PVR: variants seen among roughly 807,000 people sequenced by gnomAD.
PVR encodes the protein poliovirus receptor.
A neutral mutation model predicts 43.3 loss-of-function variants in PVR; 39 were observed. The ratio of observed to expected loss-of-function variants is 0.90; its 90% CI spans 0.70 to 1.18. PVR has a LOEUF of 1.18. Among genes scored for constraint, PVR ranks in the 50% most tolerant of loss-of-function variants. The pLI is 0.00. For missense variants in PVR, 480 were observed against 549.7 expected, an observed-to-expected ratio of 0.87 and a Z score of 1.27; for synonymous variants, 224 against 233.2, an observed-to-expected ratio of 0.96 and a Z score of 0.36.
At chr19:44,660,170 G>A (rs747093) in intron 6 of PVR, among the ~76,000 whole-genome samples, 4,243 of 152,278 alleles carry the variant, frequency 0.028, 201 homozygotes, top group African/African-American at 0.096. Context: ...TGTCATGACT[G>A]TGTCCCCAGG....
In PVR at chr19:44,649,977, C is replaced by T. The variant is rs749329099; in HGVS notation, c.596C>T (p.Thr199Ile). The T allele has an allele frequency of 1.2e-6, 2 of 1,607,646 alleles. No individual in the cohort carries two copies. The highest frequency in any genetic ancestry group is 1.7e-6 in the Non-Finnish European group (2 of 1,175,906). The stretch of plus-strand genomic sequence containing the variant: ...CAGGTGCCAGGGTTCCTGTCTGGCA[C>T]AGTCACTGTCACCAGCCTCTGGATA... Reference protein sequence around the residue: ...TSQVPGFLSGTVTVTSLWILV... With the variant: ...TSQVPGFLSGIVTVTSLWILV... The change falls in exon 3 of 8, where the codon ACA (threonine) becomes ATA (isoleucine). Residue 199 changes from threonine (T) to isoleucine (I), a missense_variant. Thr to Ile is a moderately conservative substitution (Grantham distance 89). Transcript: ENST00000425690.
intron 1 of PVR, among the ~76,000 whole-genome samples, chr19:44,645,086 T>C (rs1356674494): frequency 1.0e-5 from 1 of 96,168 alleles, no homozygotes; most frequent in Non-Finnish European, 1.9e-5. Context: ...TAATATATAA[T>C]AAAATATATA....
intron 6 of PVR, among the ~76,000 whole-genome samples, chr19:44,659,506 A>G (rs1253919606): frequency 1.3e-5 from 2 of 152,078 alleles, no homozygotes; most frequent in African/African-American, 4.8e-5. Context: ...TATTTTTGAG[A>G]CAGGCTCTCA....
In PVR at chr19:44,665,232, G is replaced by A. The variant is rs917869800; in HGVS notation, c.*3421G>A. ...CTCCCTCTGCATTGCTCCTGCACGG[G>A]AGTCGGGAATCTTTTCAGGTTGATA... On this transcript the variant is annotated 3_prime_UTR_variant, in exon 8 of 8. Coordinates refer to ENST00000425690, the MANE Select transcript of PVR (RefSeq NM_006505.5). The A allele has an allele frequency of 7.2e-5, 11 of 152,206 alleles. No individual in the cohort carries two copies. Among genetic ancestry groups the A allele is most frequent in the African/African-American group, 2.7e-4 (11 of 41,434 alleles). 9.4% of individuals were successfully genotyped at this position (152,206 alleles called of 1,614,324 possible). A position where few individuals can be genotyped will look rare whatever the true frequency, so the allele number is the denominator to read the frequency against.
At chr19:44,647,819 A>G (rs1399767899) in intron 2 of PVR, among the ~76,000 whole-genome samples, 1 of 151,910 alleles carries the variant, frequency 6.6e-6, no homozygotes, top group Non-Finnish European at 1.5e-5. Flanking sequence ...CTGGGATCAG[A>G]AAGCCCTGAG....
intron 4 of PVR, among the ~76,000 whole-genome samples, chr19:44,655,354 G>T (rs1007112489): frequency 3.6e-4 from 55 of 152,172 alleles, no homozygotes; most frequent in Non-Finnish European, 6.8e-4. Flanking sequence ...CTCCTAAAGT[G>T]CTGGGATTAC....
chr19:44,661,188 G>A, intron 6 of PVR, 104 bp from the exon 7 acceptor site: 1 of 1,068,538 alleles, frequency 9.4e-7, no homozygotes. Flanking sequence ...TGTAATAGCA[G>A]AGGCAGAACT....
In PVR at chr19:44,663,712, G is replaced by A. The variant is rs1973641951; in HGVS notation, c.*1901G>A. The A allele has an allele frequency of 6.6e-6, 1 of 151,998 alleles. No individual in the cohort carries two copies. Among genetic ancestry groups the A allele is most frequent in the African/African-American group, 2.4e-5 (1 of 41,388 alleles). 9.4% of individuals were successfully genotyped at this position (151,998 alleles called of 1,614,324 possible). Reference sequence around the variant, plus strand: ...TAAATGAAGAGGGCCATAAGGGCTGGGATTCCCAGGCACCTTAGGAACAGC... The same window carrying A: ...TAAATGAAGAGGGCCATAAGGGCTGAGATTCCCAGGCACCTTAGGAACAGC... On this transcript the variant is annotated 3_prime_UTR_variant, in exon 8 of 8. Coordinates refer to ENST00000425690, the MANE Select transcript of PVR (RefSeq NM_006505.5).
Position 44,661,690 on chromosome 19 carries a change from G to T in PVR, c.1183-50G>T, listed in dbSNP as rs371603238. 44 of 1,547,816 alleles carry T rather than the reference G, an allele frequency of 2.8e-5. No homozygotes were observed. The African/African-American group carries it at 5.7e-4, about 20-fold the overall frequency. ...ATGGGGCTTCAGTGGGAAGATGTTTGATTTTGTTCAAAAGAGCCCCAAGGC... is the reference window on the plus strand; with the variant it reads ...ATGGGGCTTCAGTGGGAAGATGTTTTATTTTGTTCAAAAGAGCCCCAAGGC... On this transcript the variant is annotated intron_variant, in intron 7 of 7. Coordinates refer to ENST00000425690, the MANE Select transcript of PVR (RefSeq NM_006505.5).
At chr19:44,650,626 G>T (rs1224716996) in intron 3 of PVR, among the ~76,000 whole-genome samples, 2 of 142,502 alleles carry the variant, frequency 1.4e-5, no homozygotes, top group East Asian at 4.1e-4. Flanking sequence ...ACAGTGGCAT[G>T]TTCTCGGCTC....
rs1056133143 is a variant in PVR at position 44,644,207 on chromosome 19, T to A, written c.79+32T>A. The A allele has an allele frequency of 2.1e-5, 31 of 1,450,212 alleles. No homozygotes were observed. The African/African-American group carries it at 4.5e-4, about 21-fold the overall frequency. 89.8% of individuals were successfully genotyped at this position (1,450,212 alleles called of 1,614,324 possible). ...GACCCCCGCGCAGTCCGGTGGCCCC[T>A]GTCTGGCTCCCAGCTCCGCATCCAG... is the stretch of plus-strand genomic sequence containing the variant. On this transcript the variant is annotated intron_variant, in intron 1 of 7. Transcript: ENST00000425690.
In PVR at chr19:44,658,795, G is replaced by T. The variant is rs1276359910; in HGVS notation, c.1045G>T (p.Val349Phe). 1.9e-6 allele frequency: 3 copies of T among 1,613,302 alleles called. No homozygotes were observed. The highest frequency in any genetic ancestry group is 2.5e-6 in the Non-Finnish European group (3 of 1,179,256). Residue 349 changes from valine (V) to phenylalanine (F), a missense_variant, in exon 6 of 8, where the codon GTT (valine) becomes TTT (phenylalanine). Val to Phe is a conservative substitution (Grantham distance 50). Coordinates refer to ENST00000425690, the MANE Select transcript of PVR (RefSeq NM_006505.5). ...GMSRNAIIFLVLGILVFLILL... is the reference protein window; with the variant it reads ...GMSRNAIIFLFLGILVFLILL... ...GTCCCGTAACGCCATCATCTTCCTG[G>T]TTCTGGGAATCCTGGTTTTTCTGAT...
At chr19:44,644,218 C>A (rs111420496) in intron 1 of PVR, 43 bp downstream of exon 1, 1 of 1,422,190 alleles carries the variant, frequency 7.0e-7, no homozygotes. Context: ...GTCTGGCTCC[C>A]AGCTCCGCAT....
rs971941299 is a variant in PVR at position 44,665,009 on chromosome 19, T to G, written c.*3198T>G. On this transcript the variant is annotated 3_prime_UTR_variant, in exon 8 of 8. Coordinates refer to ENST00000425690, the MANE Select transcript of PVR (RefSeq NM_006505.5). ...CTGAGTTCTGTTCCCACCAGCGACGTAGGCGATGACCTTTTTCTGGAGGGA... is the reference window on the plus strand; with the variant it reads ...CTGAGTTCTGTTCCCACCAGCGACGGAGGCGATGACCTTTTTCTGGAGGGA... The G allele has an allele frequency of 2.6e-5, 4 of 152,166 alleles. No homozygotes were observed. The highest frequency in any genetic ancestry group is 9.7e-5 in the African/African-American group (4 of 41,426). 9.4% of individuals were successfully genotyped at this position (152,166 alleles called of 1,614,324 possible). A position where few individuals can be genotyped will look rare whatever the true frequency, so the allele number is the denominator to read the frequency against.
rs369677696 is a variant in PVR at position 44,661,170 on chromosome 19, C to G, written c.1151-122C>G. On this transcript the variant is annotated intron_variant, in intron 6 of 7. Transcript: ENST00000425690. ...ACGTGTATACCATTAAGGGAAATGG[C>G]ACCCCCATGTAATAGCAGAGGCAGA... 33 of 866,498 alleles carry G rather than the reference C, an allele frequency of 3.8e-5. No individual in the cohort carries two copies. In the East Asian group the frequency reaches 6.9e-4, roughly 18 times the overall value. The allele number at this position is 866,498 out of a possible 1,614,324, so 53.7% of individuals were successfully genotyped here.
chr19:44,653,653 G>A, intron 3 of PVR: 1 of 440,556 alleles, frequency 2.3e-6, no homozygotes, highest in African/African-American at 1.9e-5. Context: ...GCCTGGTCCA[G>A]GCTACCCAGG....
At position 44,657,926 on chromosome 19, in the gene PVR, G is replaced by A; in HGVS notation, c.991+16G>A. The A allele has an allele frequency of 6.2e-7, 1 of 1,611,974 alleles. No homozygotes were observed. The highest frequency in any genetic ancestry group is 1.1e-5 in the South Asian group (1 of 90,910). The stretch of plus-strand genomic sequence containing the variant: ...CAGGTCAAAGGTGAGGAACTCCCTG[G>A]GTGGGAAGAACAGGGACCAAAGGAA... On this transcript the variant is annotated intron_variant, in intron 5 of 7. Coordinates refer to ENST00000425690, the MANE Select transcript of PVR (RefSeq NM_006505.5).
Position 44,658,906 on chromosome 19 carries a change from C to T in PVR, c.1150+6C>T, listed in dbSNP as rs1282959999. The T allele has an allele frequency of 2.5e-6, 4 of 1,612,998 alleles. No individual in the cohort carries two copies. In the South Asian group the frequency reaches 3.3e-5, roughly 13 times the overall value. Reference sequence around the variant, plus strand: ...CTGTCATCTGTGTCCCTCGAGTGAGCATCACCAGAGCTGCCGTAATTGAGC... The same window carrying T: ...CTGTCATCTGTGTCCCTCGAGTGAGTATCACCAGAGCTGCCGTAATTGAGC... On this transcript the variant is annotated splice_donor_region_variant and intron_variant, in intron 6 of 7. Coordinates refer to ENST00000425690, the MANE Select transcript of PVR (RefSeq NM_006505.5).
At position 44,658,733 on chromosome 19, in the gene PVR, C is replaced by G; in HGVS notation, c.992-9C>G. 6.3e-7 allele frequency: 1 copy of G among 1,593,144 alleles called. No individual in the cohort carries two copies. Among genetic ancestry groups the G allele is most frequent in the Non-Finnish European group, 8.6e-7 (1 of 1,165,690 alleles). On this transcript the variant is annotated splice_polypyrimidine_tract_variant and intron_variant, in intron 5 of 7. Coordinates refer to ENST00000425690, the MANE Select transcript of PVR (RefSeq NM_006505.5). ...TCCTTACCTAAATACCTGTTTCCTT[C>G]TCTTTCAGAGGGACCTCCCAGTGAG...
Sources: gnomAD v4.1 joint callset for allele counts (sites outside exome capture counted in the v4.1 genomes callset) on GRCh38, gnomAD v4.1.1 for gene constraint, MANE v1.5 for transcripts, NCBI Gene and HGNC (gene_info 2026-07-23, HGNC 2026-07-21) for gene names.